BOD1L1: variants seen among roughly 807,000 people sequenced by gnomAD.
BOD1L1 encodes the protein biorientation of chromosomes in cell division protein 1-like 1.
In BOD1L1, 86 loss-of-function variants were observed where a neutral mutation model predicts 240.7. The ratio of observed to expected loss-of-function variants is 0.36; its 90% CI spans 0.30 to 0.43. The LOEUF (loss-of-function observed/expected upper bound fraction) is 0.43. BOD1L1 is among the 20% of genes least tolerant of loss of function. BOD1L1 has a pLI of 1.00. For synonymous variants in BOD1L1, 1,268 were observed against 1,272.3 expected, an observed-to-expected ratio of 1.00 and a Z score of 0.07; for missense variants, 3,554 against 3,643.5, an observed-to-expected ratio of 0.98 and a Z score of 0.63.
Position 13,579,713 on chromosome 4 carries a change from T to C in BOD1L1, c.8749+215A>G, listed in dbSNP as rs547649057. ...TTGGAATATATTCTTCTCCTTGGAA[T>C]GAGGAGAAAAATAGTCAAAACAATT... On this transcript the variant is annotated intron_variant, in intron 22 of 25. Coordinates refer to ENST00000040738, the MANE Select transcript of BOD1L1 (RefSeq NM_148894.3). Among the ~76,000 whole-genome samples, 13 of 152,316 alleles carry C rather than the reference T, an allele frequency of 8.5e-5. No individual in the cohort carries two copies. The South Asian group carries it at 1.2e-3, about 15-fold the overall frequency.
chr4:13,596,625 AG>A (rs963986045), intron 11 of BOD1L1, among the ~76,000 whole-genome samples: 30 of 152,102 alleles, frequency 2.0e-4, no homozygotes, highest in African/African-American at 7.2e-4. Context: ...CATGATGGGA[AG>A]CCACCACAAA....
chr4:13,575,066 C>T (rs996352070), intron 25 of BOD1L1, among the ~76,000 whole-genome samples: 12 of 151,960 alleles, frequency 7.9e-5, no homozygotes, highest in South Asian at 4.2e-4. Context: ...ATTACTGGCA[C>T]GTGCCACCAC....
chr4:13,573,869 G>T (rs933478627), intron 25 of BOD1L1, among the ~76,000 whole-genome samples: 1 of 151,904 alleles, frequency 6.6e-6, no homozygotes, highest in East Asian at 1.9e-4. Flanking sequence ...TTTTAAGAGG[G>T]TCTTGCTATG....
rs887687864 is a variant in BOD1L1, at chr4:13,614,334, A to C, written c.1036T>G (p.Phe346Val). ...TCTTCACTCTTTTTTGAGTGATCAAATTTCTTTTCAGTCTTTTCCTTCTTT... is the reference window on the plus strand; with the variant it reads ...TCTTCACTCTTTTTTGAGTGATCAACTTTCTTTTCAGTCTTTTCCTTCTTT... Reference protein sequence around the residue: ...KEKKEKTEKKFDHSKKSEDTQ... With the variant: ...KEKKEKTEKKVDHSKKSEDTQ... Residue 346 changes from phenylalanine (F) to valine (V), a missense_variant, in exon 4 of 26, where the codon TTT becomes GTT. Physicochemically the swap from Phe to Val is conservative, Grantham distance 50 (BLOSUM62 -1). This residue lies in a region of BOD1L1 where 3,393 missense variants were observed against 3,427.1 expected (regional missense o/e 0.99). Coordinates refer to ENST00000040738, the MANE Select transcript of BOD1L1 (RefSeq NM_148894.3). 4 of 1,550,214 alleles carry C rather than the reference A, an allele frequency of 2.6e-6. No individual in the cohort carries two copies. In the Admixed American group the frequency reaches 7.9e-5, roughly 30 times the overall value.
At chr4:13,571,839 T>C (rs1577300608) in intron 25 of BOD1L1, among the ~76,000 whole-genome samples, 1 of 152,204 alleles carries the variant, frequency 6.6e-6, no homozygotes, top group Non-Finnish European at 1.5e-5. Flanking sequence ...AGAGTAACTA[T>C]TACAATTCAC....
chr4:13,610,935 A>G lies in BOD1L1; in HGVS notation c.1490T>C (p.Ile497Thr). The G allele has an allele frequency of 6.3e-7, 1 of 1,596,618 alleles. No individual in the cohort carries two copies. The change falls in exon 6 of 26, where the codon ATT becomes ACT. Residue 497 changes from isoleucine to threonine, a missense_variant and splice_region_variant. Physicochemically the swap from Ile to Thr is moderately conservative, Grantham distance 89. This residue lies in a region of BOD1L1 where 3,393 missense variants were observed against 3,427.1 expected (regional missense o/e 0.99). Coordinates refer to ENST00000040738, the MANE Select transcript of BOD1L1 (RefSeq NM_148894.3). ...ELTVEQRRQS[I>T]AKEKEERLLR... ...AATAACAGAACAAACTGGACTTACA[A>G]TGGACTGTCGTCGTTGTTCTACAGT...
chr4:13,597,423 C>T (rs1404490427), intron 10 of BOD1L1, among the ~76,000 whole-genome samples: 1 of 152,166 alleles, frequency 6.6e-6, no homozygotes, highest in Non-Finnish European at 1.5e-5. Flanking sequence ...GAAAGAATGA[C>T]AAAAGTATTA....
In BOD1L1 at chr4:13,602,865, T is replaced by C. The variant is rs1715325281; in HGVS notation, c.4035A>G (p.Glu1345=). 3 of 1,614,068 alleles carry C rather than the reference T, an allele frequency of 1.9e-6. No individual in the cohort carries two copies. The highest frequency in any genetic ancestry group is 2.5e-6 in the Non-Finnish European group (3 of 1,179,902). Residue 1345 remains glutamate, a synonymous_variant, in exon 10 of 26, where the codon GAA becomes GAG. Coordinates refer to ENST00000040738, the MANE Select transcript of BOD1L1 (RefSeq NM_148894.3). ...TATCTACTGTGAAACCTTCACCACC[T>C]TCTTTGCTGTCACTTGTCTTAAGGA... The part of the protein sequence containing the change: ...SEVLKTSDSK[E]GGEGFTVDTP...
At chr4:13,572,483 A>G (rs898296153) in intron 25 of BOD1L1, among the ~76,000 whole-genome samples, 24 of 152,244 alleles carry the variant, frequency 1.6e-4, no homozygotes, top group African/African-American at 4.8e-4. Context: ...CACAGGTGTC[A>G]AGGACAAGCC....
At position 13,602,374 on chromosome 4, in the gene BOD1L1, G is replaced by A. The variant is rs1224234757; in HGVS notation, c.4526C>T (p.Pro1509Leu). 6.2e-7 allele frequency: 1 copy of A among 1,613,892 alleles called. No homozygotes were observed. Among genetic ancestry groups the A allele is most frequent in the Admixed American group, 1.7e-5 (1 of 60,014 alleles). ...AACAGAAGTCTTTTCTGCTCTCCTA[G>A]GCCCAGTTGCCACATCCTCAGTTTG... ...NGQTEDVATG[P>L]RRAEKTSVAT... is the part of the protein sequence containing the mutation. Residue 1509 changes from proline (P) to leucine (L), a missense_variant, in exon 10 of 26, where the codon CCT becomes CTT. Physicochemically the swap from Pro to Leu is moderately conservative, Grantham distance 98. Coordinates refer to ENST00000040738, the MANE Select transcript of BOD1L1 (RefSeq NM_148894.3).
At chr4:13,588,695 CA>C in intron 15 of BOD1L1, 26 bp downstream of exon 15, 1 of 1,529,068 alleles carries the variant, frequency 6.5e-7, no homozygotes, top group Non-Finnish European at 8.9e-7. Context: ...TATAAAATAT[CA>C]AACACTTGAG....
intron 5 of BOD1L1, 124 bp from the exon 6 acceptor site, chr4:13,611,224 G>T: frequency 1.6e-6 from 1 of 612,050 alleles, no homozygotes; most frequent in Non-Finnish European, 2.7e-6. Context: ...AGGATGTGAA[G>T]ATTTCAGAAA....
intron 5 of BOD1L1, 24 bp from the exon 6 acceptor site, chr4:13,611,124 G>A: frequency 6.5e-6 from 10 of 1,535,124 alleles, no homozygotes; most frequent in Non-Finnish European, 8.0e-6. Context: ...AATAGAAAGA[G>A]GAGTATGTCT....
rs764710012 is a variant in BOD1L1, at chr4:13,582,635, G to A, written c.8518+17C>T. The A allele has an allele frequency of 3.8e-6, 6 of 1,577,218 alleles. No individual in the cohort carries two copies. Among genetic ancestry groups the A allele is most frequent in the Non-Finnish European group, 5.2e-6 (6 of 1,147,660 alleles). On this transcript the variant is annotated intron_variant, in intron 18 of 25. Coordinates refer to ENST00000040738, the MANE Select transcript of BOD1L1 (RefSeq NM_148894.3). ...TTGAAGGCTCAGTCAATTTACCCAA[G>A]CAGATATTTTACTCACCTTTTTCTT...
intron 25 of BOD1L1, among the ~76,000 whole-genome samples, chr4:13,571,374 GTAAA>G (rs1462458520): frequency 7.2e-5 from 11 of 152,334 alleles, no homozygotes; most frequent in African/African-American, 2.6e-4. Context: ...GACAGCAAAA[GTAAA>G]TAAACTGAGT....
At position 13,615,532 on chromosome 4, in the gene BOD1L1, G is replaced by C. The variant is rs945914875; in HGVS notation, c.369-30C>G. Reference sequence around the variant, plus strand: ...AACACAAGATAATTTATGGAAAGGTGAAAAAATAATATATTATTTGCATTA... The same window carrying C: ...AACACAAGATAATTTATGGAAAGGTCAAAAAATAATATATTATTTGCATTA... On this transcript the variant is annotated intron_variant, in intron 2 of 25. Coordinates refer to ENST00000040738, the MANE Select transcript of BOD1L1 (RefSeq NM_148894.3). 4 of 1,538,224 alleles carry C rather than the reference G, an allele frequency of 2.6e-6. No individual in the cohort carries two copies. In the African/African-American group the frequency reaches 4.2e-5, roughly 16 times the overall value.
chr4:13,572,593 C>T, intron 25 of BOD1L1: 1 of 1,056,752 alleles, frequency 9.5e-7, no homozygotes, highest in Non-Finnish European at 1.2e-6. Flanking sequence ...TCCCCAAAAA[C>T]AGTTATTTGG....
At chr4:13,593,939 A>T (rs1386977809) in intron 12 of BOD1L1, among the ~76,000 whole-genome samples, 3 of 152,224 alleles carry the variant, frequency 2.0e-5, no homozygotes, top group African/African-American at 7.2e-5. Flanking sequence ...TAATTCGTTT[A>T]GGGTGGACAC....
chr4:13,577,223 T>C (rs1712827002), intron 24 of BOD1L1, among the ~76,000 whole-genome samples, 180 bp downstream of exon 24: 1 of 152,204 alleles, frequency 6.6e-6, no homozygotes, highest in African/African-American at 2.4e-5. Flanking sequence ...AAAATTGACA[T>C]GTACTCAGAA....
Sources: allele counts gnomAD v4.1 joint callset (sites outside exome capture counted in the v4.1 genomes callset), GRCh38; gene constraint gnomAD v4.1.1; regional missense constraint gnomAD v4.1.1; transcripts MANE v1.5; gene names NCBI Gene and HGNC (gene_info 2026-07-23, HGNC 2026-07-21).